UBE2E2: variants seen among roughly 807,000 people sequenced by gnomAD.
The protein encoded by UBE2E2 is ubiquitin conjugating enzyme E2 E2.
UBE2E2 carries 6 observed loss-of-function variants against 24.7 expected under a neutral mutation model. That is an observed-to-expected ratio of 0.24 (90% confidence interval 0.13 to 0.48). UBE2E2 has a LOEUF of 0.48. Among genes scored for constraint, UBE2E2 ranks in the 20% least tolerant of loss-of-function variants. UBE2E2 has a pLI of 0.99. For missense variants in UBE2E2, 169 were observed against 245.0 expected, an observed-to-expected ratio of 0.69 and a Z score of 2.07; for synonymous variants, 104 against 83.6, an observed-to-expected ratio of 1.24 and a Z score of -1.33.
At chr3:23,281,775 A>G (rs1177909914) in intron 3 of UBE2E2, among the ~76,000 whole-genome samples, 1 of 152,270 alleles carries the variant, frequency 6.6e-6, no homozygotes, top group Non-Finnish European at 1.5e-5. Context: ...TTTCATTCGC[A>G]GTAATATTAG....
At chr3:23,245,798 C>T (rs1697378519) in intron 3 of UBE2E2, among the ~76,000 whole-genome samples, 1 of 152,008 alleles carries the variant, frequency 6.6e-6, no homozygotes, top group East Asian at 1.9e-4. Flanking sequence ...GTTTTGTTTC[C>T]TCTTGACCTT....
chr3:23,588,077 T>C (rs543544100), intron 5 of UBE2E2, among the ~76,000 whole-genome samples: 133 of 152,348 alleles, frequency 8.7e-4, no homozygotes, highest in African/African-American at 2.9e-3. Flanking sequence ...ACCTTTCATA[T>C]TGAGAACATA....
chr3:23,578,325 T>A (rs1264029795), intron 5 of UBE2E2, among the ~76,000 whole-genome samples: 3 of 152,234 alleles, frequency 2.0e-5, no homozygotes, highest in African/African-American at 7.2e-5. Flanking sequence ...GCATTTACAC[T>A]GTGGATGGGA....
chr3:23,568,620 CATAT>C (rs67784158), intron 5 of UBE2E2, among the ~76,000 whole-genome samples: 21 of 136,812 alleles, frequency 1.5e-4, no homozygotes, highest in East Asian at 4.2e-4. Context: ...TATACACACA[CATAT>C]ATATATGTAT....
chr3:23,465,052 A>T (rs996959208), intron 3 of UBE2E2, among the ~76,000 whole-genome samples: 1 of 152,208 alleles, frequency 6.6e-6, no homozygotes, highest in Non-Finnish European at 1.5e-5. Context: ...TGTCAAAGAG[A>T]TGTTGCTTCA....
chr3:23,516,700 A>G (rs553520101), intron 4 of UBE2E2, among the ~76,000 whole-genome samples: 2 of 152,258 alleles, frequency 1.3e-5, no homozygotes, highest in East Asian at 3.8e-4. Context: ...ATTTATTTTT[A>G]TGACCAATAA....
At chr3:23,266,907 A>G (rs2125358714) in intron 3 of UBE2E2, among the ~76,000 whole-genome samples, 1 of 152,346 alleles carries the variant, frequency 6.6e-6, no homozygotes. Flanking sequence ...AACTCACTCA[A>G]AACCATGCAA....
chr3:23,365,644 C>T (rs960700916), intron 3 of UBE2E2, among the ~76,000 whole-genome samples: 2 of 152,048 alleles, frequency 1.3e-5, no homozygotes, highest in African/African-American at 2.4e-5. Context: ...CATTCCATGC[C>T]CATAGATAGG....
At chr3:23,276,653 T>C (rs35240920) in intron 3 of UBE2E2, among the ~76,000 whole-genome samples, 11,285 of 152,186 alleles carry the variant, frequency 0.074, 537 homozygotes, top group Non-Finnish European at 0.092. Context: ...GCAGCAAATG[T>C]ATAAAATCAC....
intron 4 of UBE2E2, among the ~76,000 whole-genome samples, chr3:23,518,352 C>T (rs1694788999): frequency 6.6e-6 from 1 of 152,162 alleles, no homozygotes; most frequent in South Asian, 2.1e-4. Flanking sequence ...GGAAAACAAA[C>T]CCAGGTAGTT....
At chr3:23,557,511 G>C (rs1334111314) in intron 5 of UBE2E2, among the ~76,000 whole-genome samples, 2 of 152,094 alleles carry the variant, frequency 1.3e-5, no homozygotes, top group East Asian at 3.9e-4. Context: ...TCCTCACACT[G>C]GGACAGTTTA....
At chr3:23,588,393 T>C (rs1267468817) in intron 5 of UBE2E2, among the ~76,000 whole-genome samples, 2 of 128,088 alleles carry the variant, frequency 1.6e-5, no homozygotes, top group African/African-American at 5.9e-5. Context: ...CTTTGCTTTT[T>C]GTTTTTTTGT....
chr3:23,446,665 T>G (rs1295084591), intron 3 of UBE2E2, among the ~76,000 whole-genome samples: 3 of 150,774 alleles, frequency 2.0e-5, no homozygotes, highest in African/African-American at 7.3e-5. Flanking sequence ...TTCTACCAGT[T>G]TAAGGTTACA....
intron 3 of UBE2E2, among the ~76,000 whole-genome samples, chr3:23,275,701 A>G (rs905505241): frequency 1.3e-5 from 2 of 152,190 alleles, no homozygotes; most frequent in Non-Finnish European, 2.9e-5. Context: ...ACAAAACTTA[A>G]AAAGAAATCC....
At chr3:23,566,528 C>T (rs2125508491) in intron 5 of UBE2E2, among the ~76,000 whole-genome samples, 1 of 152,264 alleles carries the variant, frequency 6.6e-6, no homozygotes, top group South Asian at 2.1e-4. Flanking sequence ...ATTTGGCTCA[C>T]AGTTCTGCAG....
intron 5 of UBE2E2, among the ~76,000 whole-genome samples, chr3:23,568,183 A>T (rs1696121429): frequency 1.3e-5 from 2 of 152,156 alleles, no homozygotes; most frequent in Non-Finnish European, 2.9e-5. Flanking sequence ...AGATTCCCAC[A>T]CGTGGTGGAG....
intron 3 of UBE2E2, among the ~76,000 whole-genome samples, chr3:23,462,704 T>C (rs1417723852): frequency 6.6e-6 from 1 of 152,156 alleles, no homozygotes; most frequent in African/African-American, 2.4e-5. Flanking sequence ...AAAAATACTT[T>C]TGATGCCTTC....
At chr3:23,203,567 G>GC in intron 1 of UBE2E2, 103 bp downstream of exon 1, 1 of 701,486 alleles carries the variant, frequency 1.4e-6, no homozygotes, top group South Asian at 6.5e-5. Flanking sequence ...GCAGGTCTCT[G>GC]CTTACACCGC....
intron 3 of UBE2E2, among the ~76,000 whole-genome samples, chr3:23,243,483 C>G (rs1051931512): frequency 1.3e-5 from 2 of 152,166 alleles, no homozygotes; most frequent in African/African-American, 4.8e-5. Context: ...CTGCTTCTTT[C>G]TGATCATTTT....
Sources: allele counts gnomAD v4.1 joint callset (sites outside exome capture counted in the v4.1 genomes callset), GRCh38; gene constraint gnomAD v4.1.1; transcripts MANE v1.5; gene names NCBI Gene and HGNC (gene_info 2026-07-23, HGNC 2026-07-21).